Variants in NRXN3 observed in about 807,000 individuals in gnomAD.
The protein encoded by NRXN3 is neurexin III.
NRXN3 carries 32 observed loss-of-function variants against 137.6 expected under a neutral mutation model. That is an observed-to-expected ratio of 0.23 (90% CI 0.18 to 0.31). The LOEUF is 0.31. Ranked by LOEUF, NRXN3 falls within the 10% of genes least tolerant of loss-of-function variation. NRXN3 has a pLI of 1.00. For missense variants in NRXN3, 1,574 were observed against 2,062.5 expected (o/e 0.76, Z 4.59); for synonymous variants, 798 against 784.5 (o/e 1.02, Z -0.29).
intron 16 of NRXN3, among the ~76,000 whole-genome samples, chr14:79,657,192 A>G (rs1385486878): frequency 6.6e-6 from 1 of 152,202 alleles, no homozygotes; most frequent in Non-Finnish European, 1.5e-5. Context: ...TCGTTTTTCT[A>G]GACAAAGCTT....
At chr14:79,245,284 G>A (rs940180489) in intron 15 of NRXN3, among the ~76,000 whole-genome samples, 2 of 152,092 alleles carry the variant, frequency 1.3e-5, no homozygotes, top group Non-Finnish European at 1.5e-5. Context: ...ACTTTATGAT[G>A]TTGCCACACT....
chr14:79,401,391 A>G (rs1022244877), intron 15 of NRXN3, among the ~76,000 whole-genome samples: 2 of 152,134 alleles, frequency 1.3e-5, no homozygotes, highest in Non-Finnish European at 2.9e-5. Context: ...GGAACTTTTT[A>G]GAAGTGCAAA....
chr14:78,815,479 CTTT>C (rs61411777), intron 10 of NRXN3, among the ~76,000 whole-genome samples: 34 of 84,430 alleles, frequency 4.0e-4, no homozygotes, highest in African/African-American at 1.3e-3. Flanking sequence ...TTGTTTCTTT[CTTT>C]TTTTTTTTTT....
At chr14:79,505,906 C>T (rs564549919) in intron 16 of NRXN3, among the ~76,000 whole-genome samples, 26 of 152,182 alleles carry the variant, frequency 1.7e-4, no homozygotes, top group African/African-American at 6.0e-4. Context: ...TGACTAGGTC[C>T]CCAGCAAGGC....
At chr14:78,585,978 T>C (rs2097058583) in intron 4 of NRXN3, among the ~76,000 whole-genome samples, 1 of 152,226 alleles carries the variant, frequency 6.6e-6, no homozygotes, top group Non-Finnish European at 1.5e-5. Flanking sequence ...AAATTGAGTG[T>C]AGCTAGTGGG....
intron 10 of NRXN3, among the ~76,000 whole-genome samples, chr14:78,871,809 C>T (rs929965744): frequency 1.3e-5 from 2 of 151,994 alleles, no homozygotes; most frequent in Admixed American, 1.3e-4. Flanking sequence ...AACTGAGATC[C>T]GTCATCACAA....
At chr14:79,410,129 A>G (rs2095394292) in intron 15 of NRXN3, among the ~76,000 whole-genome samples, 2 of 152,004 alleles carry the variant, frequency 1.3e-5, no homozygotes, top group Non-Finnish European at 2.9e-5. Context: ...AATACATTCA[A>G]TATAATCTGT....
intron 10 of NRXN3, among the ~76,000 whole-genome samples, chr14:78,892,788 G>A (rs909612930): frequency 2.0e-5 from 3 of 147,250 alleles, no homozygotes; most frequent in African/African-American, 8.0e-5. Flanking sequence ...GTGTGTGTGT[G>A]TGTGTGTGTG....
At chr14:78,395,191 A>G (rs1370022515) in intron 4 of NRXN3, among the ~76,000 whole-genome samples, 1 of 151,720 alleles carries the variant, frequency 6.6e-6, no homozygotes, top group Non-Finnish European at 1.5e-5. Context: ...AGTGCTATAA[A>G]TTTTCCTCTC....
Position 78,400,711 on chromosome 14 carries a change from A to G in NRXN3, c.757+102851A>G, listed in dbSNP as rs143477409. On this transcript the variant is annotated intron_variant, in intron 4 of 20. Transcript: ENST00000335750. ...ATGTAATTGATGGTCTCTGTCTTCA[A>G]AGTGGAAATACACTCTCCACTGTGT... Among the ~76,000 whole-genome samples the G allele has an allele frequency of 4.0e-3, 613 of 152,302 alleles. 2 individuals are homozygous for G. The highest frequency in any genetic ancestry group is 0.014 in the African/African-American group (574 of 41,562).
intron 5 of NRXN3, among the ~76,000 whole-genome samples, chr14:78,646,564 A>G (rs1002575160): frequency 1.3e-5 from 2 of 152,234 alleles, no homozygotes; most frequent in Non-Finnish European, 2.9e-5. Flanking sequence ...TCTGTTTGAT[A>G]AAAGTGTAAC....
chr14:78,873,105 C>G lies in NRXN3; in HGVS notation c.2275+62761C>G, dbSNP rs193264525. ...CAGAAATATGTGATGCCTCCAAGTT[C>G]TCTAACTTTATAGGGTTCTACAGCA... On this transcript the variant is annotated intron_variant, in intron 10 of 20. Transcript: ENST00000335750. Among the ~76,000 whole-genome samples, 5 of 152,332 alleles carry G rather than the reference C, an allele frequency of 3.3e-5. No homozygotes were observed. The East Asian group carries it at 9.6e-4, about 29-fold the overall frequency.
At chr14:78,852,551 A>G (rs1002119630) in intron 10 of NRXN3, among the ~76,000 whole-genome samples, 4 of 152,144 alleles carry the variant, frequency 2.6e-5, no homozygotes. Flanking sequence ...GTTGCCTGTG[A>G]CATTGAATCT....
intron 18 of NRXN3, among the ~76,000 whole-genome samples, chr14:79,694,732 A>C (rs2098728862): frequency 6.6e-6 from 1 of 151,908 alleles, no homozygotes; most frequent in Admixed American, 6.6e-5. Flanking sequence ...ACCCCTGTTT[A>C]TCTGAGAGAT....
At chr14:79,688,113 G>GTGGGACCAAATAGAATATGGTCATCTTTT (rs1603429895) in intron 17 of NRXN3, among the ~76,000 whole-genome samples, 4 of 152,220 alleles carry the variant, frequency 2.6e-5, no homozygotes, top group East Asian at 1.9e-4. Context: ...GGACTGATAA[G>GTGGGACCAAATAGAATATGGTCATCTTTT]GTAGTGAGAC....
intron 6 of NRXN3, among the ~76,000 whole-genome samples, chr14:78,658,499 C>G (rs1198135411): frequency 6.6e-6 from 1 of 152,156 alleles, no homozygotes; most frequent in Non-Finnish European, 1.5e-5. Context: ...CCACTTACTG[C>G]TCTTCACCAT....
chr14:78,812,533 T>G (rs2098917318), intron 10 of NRXN3, among the ~76,000 whole-genome samples: 1 of 152,168 alleles, frequency 6.6e-6, no homozygotes, highest in Non-Finnish European at 1.5e-5. Flanking sequence ...CCACACTTTC[T>G]CATGAAGTCA....
At chr14:78,221,267 A>G (rs2063821350) in intron 1 of NRXN3, among the ~76,000 whole-genome samples, 1 of 152,134 alleles carries the variant, frequency 6.6e-6, no homozygotes, top group Non-Finnish European at 1.5e-5. Context: ...GAGGTTAGCA[A>G]GGAGGGTTAG....
At chr14:79,152,796 A>G (rs953308259) in intron 15 of NRXN3, among the ~76,000 whole-genome samples, 3 of 152,060 alleles carry the variant, frequency 2.0e-5, no homozygotes, top group Non-Finnish European at 4.4e-5. Context: ...TTGGGTGAAG[A>G]CACAGCCAAA....
Sources: gnomAD v4.1 joint callset for allele counts (sites outside exome capture counted in the v4.1 genomes callset) on GRCh38, gnomAD v4.1.1 for gene constraint, MANE v1.5 for transcripts, NCBI Gene and HGNC (gene_info 2026-07-23, HGNC 2026-07-21) for gene names.